SOX6: variants seen among roughly 807,000 people sequenced by gnomAD.
SOX6 encodes the protein transcription factor SOX-6.
Under a neutral mutation model 97.8 loss-of-function variants are expected in SOX6, and 11 were observed. The ratio of observed to expected loss-of-function variants is 0.11; its 90% confidence interval spans 0.07 to 0.19. The LOEUF is 0.19. Ranked by LOEUF, SOX6 falls within the 10% of genes least tolerant of loss-of-function variation. SOX6 has a pLI of 1.00. For synonymous variants in SOX6, 360 were observed against 371.4 expected, an observed-to-expected ratio of 0.97 and a Z score of 0.35; for missense variants, 810 against 1,039.5, an observed-to-expected ratio of 0.78 and a Z score of 3.04.
At chr11:16,118,833 A>G (rs1342846126) in intron 6 of SOX6, among the ~76,000 whole-genome samples, 1 of 152,260 alleles carries the variant, frequency 6.6e-6, no homozygotes, top group Non-Finnish European at 1.5e-5. Flanking sequence ...TGAGTTAAAG[A>G]CAGTGCAAAA....
chr11:16,069,194 G>T (rs1195533679), intron 9 of SOX6, among the ~76,000 whole-genome samples: 1 of 152,122 alleles, frequency 6.6e-6, no homozygotes, highest in African/African-American at 2.4e-5. Flanking sequence ...GCAGAAGAAA[G>T]AATTGTGAAC....
At chr11:16,260,584 A>C (rs781738826) in intron 3 of SOX6, among the ~76,000 whole-genome samples, 1 of 152,150 alleles carries the variant, frequency 6.6e-6, no homozygotes, top group Non-Finnish European at 1.5e-5. Flanking sequence ...AGGTGTCTGA[A>C]AAATATATGT....
intron 4 of SOX6, among the ~76,000 whole-genome samples, chr11:16,570,860 T>A (rs559406394): frequency 4.6e-5 from 7 of 152,324 alleles, no homozygotes; most frequent in Admixed American, 4.6e-4. Context: ...GCATTTTGAA[T>A]TAGGATTTCT....
chr11:16,392,975 A>G (rs1858231331), intron 1 of SOX6, among the ~76,000 whole-genome samples: 1 of 152,080 alleles, frequency 6.6e-6, no homozygotes, highest in African/African-American at 2.4e-5. Context: ...TTAACCTGTC[A>G]AGTCCCTAAT....
At position 16,140,258 on chromosome 11, in the gene SOX6, C is replaced by G. The variant is rs938979208; in HGVS notation, c.778-28335G>C. Among the ~76,000 whole-genome samples the G allele has an allele frequency of 1.8e-4, 28 of 152,198 alleles. 1 individual carries two copies. In the Middle Eastern group the frequency reaches 0.01, roughly 55 times the overall value. On this transcript the variant is annotated intron_variant, in intron 6 of 15. Coordinates refer to ENST00000683767, the MANE Select transcript of SOX6 (RefSeq NM_001367873.1). ...ACTGAGCTGCCACCCAACTCAGGAG[C>G]CTTCCACAATTGGTCCTGCTTAATG...
At chr11:16,456,279 C>G (rs997140747) in intron 1 of SOX6, among the ~76,000 whole-genome samples, 10 of 152,104 alleles carry the variant, frequency 6.6e-5, no homozygotes, top group Admixed American at 1.3e-4. Context: ...AGGTGAACTA[C>G]AAATGCATTA....
At chr11:16,364,398 T>C (rs1351809299) in intron 1 of SOX6, among the ~76,000 whole-genome samples, 1 of 152,106 alleles carries the variant, frequency 6.6e-6, no homozygotes, top group Non-Finnish European at 1.5e-5. Context: ...TGAAAGGAAA[T>C]CTTCCTGAGC....
chr11:16,293,394 A>G (rs1854972410), intron 3 of SOX6, among the ~76,000 whole-genome samples: 1 of 152,190 alleles, frequency 6.6e-6, no homozygotes, highest in African/African-American at 2.4e-5. Flanking sequence ...AAACTTAGGC[A>G]GCATAAATTC....
At position 16,383,093 on chromosome 11, in the gene SOX6, G is replaced by A. The variant is rs142201027; in HGVS notation, c.-4-41841C>T. Among the ~76,000 whole-genome samples, 762 of 152,004 alleles carry A rather than the reference G, an allele frequency of 5.0e-3. 4 individuals carry two copies. Among genetic ancestry groups the A allele is most frequent in the Non-Finnish European group, 7.7e-3 (522 of 67,848 alleles). On this transcript the variant is annotated intron_variant, in intron 1 of 15. Coordinates refer to the SOX6 transcript ENST00000396356. The stretch of plus-strand genomic sequence containing the variant: ...GAAATTTAGCAAAGAATGCACTCAC[G>A]ATTCCATGAGTCATGAAATAGAGAC...
chr11:16,597,236 C>T (rs1449955750), intron 4 of SOX6, among the ~76,000 whole-genome samples: 4 of 151,924 alleles, frequency 2.6e-5, no homozygotes, highest in African/African-American at 9.7e-5. Flanking sequence ...GGTTCTTGTA[C>T]TGATCATATA....
chr11:16,713,253 TA>T (rs1554902287), intron 3 of SOX6, among the ~76,000 whole-genome samples: 1 of 152,010 alleles, frequency 6.6e-6, no homozygotes, highest in Non-Finnish European at 1.5e-5. Context: ...TACAAACTAA[TA>T]AAAAACTAGA....
chr11:16,307,427 G>C (rs1332451090), intron 3 of SOX6, among the ~76,000 whole-genome samples: 4 of 152,130 alleles, frequency 2.6e-5, no homozygotes, highest in Admixed American at 2.6e-4. Flanking sequence ...TATGTACATT[G>C]GGCACATAAG....
At chr11:16,105,477 AAGATTGCTTGAAGCCAGG>A (rs1305731828) in intron 7 of SOX6, among the ~76,000 whole-genome samples, 2 of 152,064 alleles carry the variant, frequency 1.3e-5, no homozygotes, top group Non-Finnish European at 2.9e-5. Context: ...CTGAGGTAGA[AAGATTGCTTGAAGCCAGG>A]AGTTCAAGGC....
chr11:16,022,377 C>CCTT (rs1855091303), intron 12 of SOX6, among the ~76,000 whole-genome samples: 13 of 80,572 alleles, frequency 1.6e-4, no homozygotes, highest in Admixed American at 2.6e-4. Context: ...CTTCCTTCCT[C>CCTT]CCTCCCTCCC....
At chr11:16,342,023 C>T (rs1856652483) in intron 1 of SOX6, among the ~76,000 whole-genome samples, 3 of 152,020 alleles carry the variant, frequency 2.0e-5, no homozygotes, top group South Asian at 4.1e-4. Flanking sequence ...ATACAAGATT[C>T]GAAGCATTTA....
At chr11:16,161,636 A>C (rs1190123893) in intron 6 of SOX6, among the ~76,000 whole-genome samples, 1 of 152,210 alleles carries the variant, frequency 6.6e-6, no homozygotes, top group Non-Finnish European at 1.5e-5. Flanking sequence ...ACTCCTGCTG[A>C]GACAAAAAGC....
chr11:16,038,551 G>T (rs1216590247), intron 12 of SOX6, among the ~76,000 whole-genome samples: 2 of 151,986 alleles, frequency 1.3e-5, no homozygotes, highest in East Asian at 3.9e-4. Flanking sequence ...TTATTAGGAG[G>T]TTGAATATTA....
intron 3 of SOX6, among the ~76,000 whole-genome samples, chr11:16,684,827 G>T (rs1433301424): frequency 6.6e-6 from 1 of 152,114 alleles, no homozygotes; most frequent in African/African-American, 2.4e-5. Context: ...ATGAAAAGAG[G>T]TTTACTTGTG....
chr11:16,735,438 T>G (rs531200118), intron 2 of SOX6, among the ~76,000 whole-genome samples: 1 of 152,324 alleles, frequency 6.6e-6, no homozygotes, highest in African/African-American at 2.4e-5. Context: ...ATTTGTAATT[T>G]ACTGATGCCA....
Sources: gnomAD v4.1 joint callset for allele counts (sites outside exome capture counted in the v4.1 genomes callset) on GRCh38, gnomAD v4.1.1 for gene constraint, MANE v1.5 for transcripts, NCBI Gene and HGNC (gene_info 2026-07-23, HGNC 2026-07-21) for gene names.